Variants in TNFSF4 observed in about 807,000 individuals in gnomAD.
The protein encoded by TNFSF4 is tumor necrosis factor ligand superfamily member 4.
Under a neutral mutation model 7.3 loss-of-function variants are expected in TNFSF4, and 4 were observed. The observed-to-expected ratio is 0.55, with a 90% CI of 0.27 to 1.25. TNFSF4 has a LOEUF of 1.25. TNFSF4 is among the 50% of genes most tolerant of loss of function. The pLI, the probability that TNFSF4 is intolerant of heterozygous loss-of-function variation, is 0.12. For missense variants in TNFSF4, 181 were observed against 208.8 expected (o/e 0.87, Z 0.82); for synonymous variants, 76 against 83.7 (o/e 0.91, Z 0.50).
chr1:173,351,765 C>G, the TNFSF4 span: 1 of 572,728 alleles, frequency 1.7e-6, no homozygotes, highest in Admixed American at 2.3e-5. Context: ...CTATAAAGGT[C>G]AGCAAATTGG....
At chr1:173,421,273 ATTT>A in the TNFSF4 span, among the ~76,000 whole-genome samples, 2 of 152,158 alleles carry the variant, frequency 1.3e-5, no homozygotes, top group Non-Finnish European at 2.9e-5. Context: ...AAAAATAATT[ATTT>A]ATCTGAAATT....
At chr1:173,220,001 T>G in the TNFSF4 span, among the ~76,000 whole-genome samples, 1 of 151,896 alleles carries the variant, frequency 6.6e-6, no homozygotes, top group African/African-American at 2.4e-5. Context: ...ACTACAGAAC[T>G]TATCCATGTA....
At chr1:173,398,318 T>G in the TNFSF4 span, among the ~76,000 whole-genome samples, 4 of 151,886 alleles carry the variant, frequency 2.6e-5, no homozygotes, top group Non-Finnish European at 4.4e-5. Context: ...GATTCTACTC[T>G]AGGCTTATTG....
chr1:173,221,019 G>A, the TNFSF4 span, among the ~76,000 whole-genome samples: 1 of 152,182 alleles, frequency 6.6e-6, no homozygotes, highest in East Asian at 1.9e-4. Flanking sequence ...TGATAGTGGA[G>A]CAAAGCCTTC....
the TNFSF4 span, among the ~76,000 whole-genome samples, chr1:173,356,809 G>T: frequency 6.6e-6 from 1 of 152,204 alleles, no homozygotes; most frequent in Admixed American, 6.5e-5. Context: ...TGTATATTAG[G>T]AAGAGGCAAG....
At chr1:173,219,281 G>A in the TNFSF4 span, among the ~76,000 whole-genome samples, 10 of 152,050 alleles carry the variant, frequency 6.6e-5, no homozygotes, top group African/African-American at 1.7e-4. Flanking sequence ...TGGTTATCTC[G>A]AGGTTTTTAT....
chr1:173,193,220 C>T (rs1649556310), intron 1 of TNFSF4, among the ~76,000 whole-genome samples: 1 of 151,986 alleles, frequency 6.6e-6, no homozygotes, highest in Non-Finnish European at 1.5e-5. Flanking sequence ...AAGCAAAATC[C>T]CCAGATCTTC....
the TNFSF4 span, among the ~76,000 whole-genome samples, chr1:173,330,411 TC>T: frequency 6.6e-6 from 1 of 151,796 alleles, no homozygotes; most frequent in Non-Finnish European, 1.5e-5. Flanking sequence ...CATAATTTTT[TC>T]ATTAGTCTTC....
the TNFSF4 span, among the ~76,000 whole-genome samples, chr1:173,398,145 G>T: frequency 6.6e-6 from 1 of 152,132 alleles, no homozygotes; most frequent in African/African-American, 2.4e-5. Context: ...AACCTCAGGG[G>T]TCTGGTCTCT....
chr1:173,341,050 T>G, the TNFSF4 span, among the ~76,000 whole-genome samples: 2 of 152,126 alleles, frequency 1.3e-5, no homozygotes, highest in Non-Finnish European at 2.9e-5. Context: ...CTGACTTAAC[T>G]CTTCACTTCT....
chr1:173,338,796 T>C, the TNFSF4 span, among the ~76,000 whole-genome samples: 2 of 152,076 alleles, frequency 1.3e-5, no homozygotes, highest in Admixed American at 6.5e-5. Context: ...AACGATTCCA[T>C]TGAATTGGAA....
At chr1:173,368,434 T>C in the TNFSF4 span, among the ~76,000 whole-genome samples, 1 of 152,156 alleles carries the variant, frequency 6.6e-6, no homozygotes, top group Non-Finnish European at 1.5e-5. Context: ...TGAGTACCAT[T>C]GGACCCCTGT....
the TNFSF4 span, among the ~76,000 whole-genome samples, chr1:173,442,545 G>GTTT: frequency 8.3e-3 from 773 of 93,406 alleles, 90 homozygotes; most frequent in East Asian, 0.064. Flanking sequence ...TTTCGTTTTT[G>GTTT]TTTTTGTTTT....
chr1:173,286,432 A>G, the TNFSF4 span, among the ~76,000 whole-genome samples: 2 of 152,232 alleles, frequency 1.3e-5, no homozygotes, highest in African/African-American at 4.8e-5. Context: ...ATAGCTATTA[A>G]GCAAGAAATA....
At chr1:173,258,770 G>T in the TNFSF4 span, among the ~76,000 whole-genome samples, 2 of 152,094 alleles carry the variant, frequency 1.3e-5, no homozygotes, top group African/African-American at 4.8e-5. Flanking sequence ...ACCCAGATCC[G>T]TCCCTCCTCA....
the TNFSF4 span, among the ~76,000 whole-genome samples, chr1:173,415,602 G>A: frequency 6.6e-6 from 1 of 152,222 alleles, no homozygotes. Context: ...ACAAACACTG[G>A]ATAATTATCC....
the TNFSF4 span, among the ~76,000 whole-genome samples, chr1:173,275,240 C>T: frequency 2.6e-5 from 4 of 152,264 alleles, no homozygotes; most frequent in East Asian, 7.7e-4. Flanking sequence ...CACACACATC[C>T]ATGTCCCATC....
Position 173,202,070 on chromosome 1 carries a change from T to TATATATATATATACACACA in TNFSF4, c.153+4953_153+4954insTGTGTGTATATATATATAT, listed in dbSNP as rs150074641. Among the ~76,000 whole-genome samples, 52 of 149,660 alleles carry TATATATATATATACACACA rather than the reference T, an allele frequency of 3.5e-4. No homozygotes were observed. In the East Asian group the frequency reaches 9.1e-3, roughly 26 times the overall value. On this transcript the variant is annotated intron_variant, in intron 1 of 2. Coordinates refer to ENST00000281834, the MANE Select transcript of TNFSF4 (RefSeq NM_003326.5). The stretch of plus-strand genomic sequence containing the variant: ...CTATATATATATACATATATATATA[T>TATATATATATATACACACA]ACACACACACATACACATATATATA...
chr1:173,233,353 T>C, the TNFSF4 span, among the ~76,000 whole-genome samples: 7 of 152,204 alleles, frequency 4.6e-5, no homozygotes, highest in Non-Finnish European at 8.8e-5. Flanking sequence ...CTACGTCTGA[T>C]TGGTGTACCT....
Sources: gnomAD v4.1 joint callset for allele counts (sites outside exome capture counted in the v4.1 genomes callset) on GRCh38, gnomAD v4.1.1 for gene constraint, MANE v1.5 for transcripts, NCBI Gene and HGNC (gene_info 2026-07-23, HGNC 2026-07-21) for gene names.